The following AK4 variants were observed in gnomAD, a reference collection of about 807,000 sequenced individuals.
The protein encoded by AK4 is adenylate kinase 4, mitochondrial.
In AK4, 13 loss-of-function variants were observed where a neutral mutation model predicts 24.6. That is an observed-to-expected ratio of 0.53 (90% confidence interval 0.34 to 0.84). The LOEUF (loss-of-function observed/expected upper bound fraction) is 0.84, where lower values mean the gene tolerates loss of function less well. Ranked by LOEUF, AK4 falls within the 40% of genes least tolerant of loss-of-function variation. AK4 has a pLI of 0.01. For synonymous variants in AK4, 88 were observed against 107.0 expected, an observed-to-expected ratio of 0.82 and a Z score of 1.10; for missense variants, 192 against 288.2, an observed-to-expected ratio of 0.67 and a Z score of 2.42.
chr1:65,198,636 G>A (rs1275501290), intron 2 of AK4, among the ~76,000 whole-genome samples: 1 of 152,074 alleles, frequency 6.6e-6, no homozygotes, highest in Admixed American at 6.6e-5. Context: ...AGTAAGGAGT[G>A]GCATTTTTGG....
At chr1:65,187,608 C>T (rs962305116) in intron 1 of AK4, among the ~76,000 whole-genome samples, 7 of 151,998 alleles carry the variant, frequency 4.6e-5, no homozygotes, top group Non-Finnish European at 2.9e-5. Context: ...ATAAAGCTGT[C>T]ATAAAAAAAT....
intron 1 of AK4, among the ~76,000 whole-genome samples, chr1:65,171,649 G>A (rs993192044): frequency 2.6e-5 from 4 of 152,018 alleles, no homozygotes; most frequent in African/African-American, 4.8e-5. Context: ...GTTGTTGATC[G>A]TTTGCCTAAA....
intron 2 of AK4, among the ~76,000 whole-genome samples, chr1:65,207,170 G>A (rs1651836915): frequency 6.6e-6 from 1 of 152,112 alleles, no homozygotes; most frequent in Non-Finnish European, 1.5e-5. Context: ...AGCATATCTA[G>A]GTTTTTAAAG....
chr1:65,212,392 G>C (rs1426357577), intron 2 of AK4, among the ~76,000 whole-genome samples: 2 of 151,934 alleles, frequency 1.3e-5, no homozygotes, highest in African/African-American at 4.8e-5. Flanking sequence ...TGCCTCCTGG[G>C]CTCAGGTGAT....
chr1:65,170,077 A>G (rs370397178), intron 1 of AK4, among the ~76,000 whole-genome samples: 3 of 152,128 alleles, frequency 2.0e-5, no homozygotes, highest in Non-Finnish European at 4.4e-5. Context: ...TCCAAATCTC[A>G]TAACTAAGAT....
intron 2 of AK4, among the ~76,000 whole-genome samples, chr1:65,209,759 C>A (rs1651916953): frequency 6.6e-6 from 1 of 152,036 alleles, no homozygotes. Context: ...TATTGTATGC[C>A]CTGAAGCCTT....
chr1:65,156,045 G>GTGTCATCT (rs569851157), intron 1 of AK4, among the ~76,000 whole-genome samples: 112 of 152,056 alleles, frequency 7.4e-4, no homozygotes, highest in Non-Finnish European at 1.3e-3. Flanking sequence ...CTTTAACAAT[G>GTGTCATCT]TGTCATCTAG....
intron 1 of AK4, among the ~76,000 whole-genome samples, chr1:65,162,007 A>G (rs1013470624): frequency 6.6e-6 from 1 of 151,966 alleles, no homozygotes; most frequent in African/African-American, 2.4e-5. Context: ...CAGCACTTTG[A>G]GAGGCCGAGG....
rs774903218 is a variant in AK4, at chr1:65,148,454, C to T, written c.47C>T (p.Ser16Leu). ...LRAVILGPPG[S>L]GKGTVCQRIA... ...GCGGTCATCCTCGGGCCGCCCGGCT[C>T]GGGCAAGGGCACCGTGTGCCAGAGG... The change falls in exon 1 of 5, where the codon TCG (serine) becomes TTG (leucine). Residue 16 changes from serine (S) to leucine (L), a missense_variant. Coordinates refer to ENST00000327299, the MANE Select transcript of AK4 (RefSeq NM_013410.4). 2.5e-6 allele frequency: 4 copies of T among 1,569,506 alleles called. No individual in the cohort carries two copies. Among genetic ancestry groups the T allele is most frequent in the African/African-American group, 1.4e-5 (1 of 73,404 alleles).
upstream of AK4, chr1:65,147,793 G>C (rs887828612): frequency 1.3e-5 from 2 of 152,692 alleles, no homozygotes; most frequent in Non-Finnish European, 1.5e-5. Flanking sequence ...CGCGGGCGGC[G>C]GGCAGCGGCG....
intron 1 of AK4, among the ~76,000 whole-genome samples, chr1:65,169,132 C>T (rs1327159077): frequency 1.4e-5 from 2 of 147,962 alleles, no homozygotes; most frequent in African/African-American, 5.0e-5. Context: ...GCTATGATTG[C>T]ACCACTGCAC....
intron 2 of AK4, among the ~76,000 whole-genome samples, chr1:65,200,423 A>G (rs1403258864): frequency 6.6e-6 from 1 of 152,146 alleles, no homozygotes; most frequent in East Asian, 1.9e-4. Context: ...TCTAGGTAAC[A>G]GTTTTCTAAA....
intron 2 of AK4, 40 bp from the exon 3 acceptor site, chr1:65,218,714 C>T (rs752098463): frequency 2.6e-6 from 4 of 1,535,188 alleles, no homozygotes; most frequent in Non-Finnish European, 2.6e-6. Flanking sequence ...TGGAACTGGG[C>T]AATAGCTTGC....
rs987517548 is a variant in AK4 at position 65,216,409 on chromosome 1, C to T, written c.266-2345C>T. On this transcript the variant is annotated intron_variant, in intron 2 of 4. Coordinates refer to ENST00000327299, the MANE Select transcript of AK4 (RefSeq NM_013410.4). Reference sequence around the variant, plus strand: ...AAAGTGCTGGGATTACAGGCATGAGCCATCATGCCCGGCCACTAATACGAC... The same window carrying T: ...AAAGTGCTGGGATTACAGGCATGAGTCATCATGCCCGGCCACTAATACGAC... Among the ~76,000 whole-genome samples, 99 of 152,178 alleles carry T rather than the reference C, an allele frequency of 6.5e-4. 8 individuals are homozygous for T.
At chr1:65,148,795 T>C (rs6701632) in intron 1 of AK4, among the ~76,000 whole-genome samples, 24,660 of 151,834 alleles carry the variant, frequency 0.16, 5,002 homozygotes, top group African/African-American at 0.47. Context: ...GCTCCTCCTG[T>C]CGCGAGGAAT....
At chr1:65,211,984 C>A (rs12119363) in intron 2 of AK4, among the ~76,000 whole-genome samples, 20,995 of 152,140 alleles carry the variant, frequency 0.14, 1,973 homozygotes, top group East Asian at 0.37. Flanking sequence ...TGAGGATACA[C>A]ATGGGTATCT....
intron 2 of AK4, among the ~76,000 whole-genome samples, chr1:65,198,446 G>C (rs1188884269): frequency 2.0e-5 from 3 of 152,180 alleles, no homozygotes; most frequent in Non-Finnish European, 1.5e-5. Flanking sequence ...TGAATAAAGT[G>C]CAAGTATGAC....
upstream of AK4, chr1:65,147,617 C>T (rs1649603884): frequency 6.6e-6 from 1 of 152,064 alleles, no homozygotes; most frequent in South Asian, 2.1e-4. Context: ...GCGGCGCCGC[C>T]CTGCAGGATC....
intron 2 of AK4, among the ~76,000 whole-genome samples, chr1:65,213,247 T>G (rs1232542099): frequency 1.3e-5 from 2 of 152,174 alleles, no homozygotes; most frequent in Non-Finnish European, 2.9e-5. Flanking sequence ...AAATGAAACC[T>G]CACCGTGATA....
Sources: allele counts gnomAD v4.1 joint callset (sites outside exome capture counted in the v4.1 genomes callset), GRCh38; gene constraint gnomAD v4.1.1; transcripts MANE v1.5; gene names NCBI Gene and HGNC (gene_info 2026-07-23, HGNC 2026-07-21).